The following SNX19 variants were observed in gnomAD, a reference collection of about 807,000 sequenced individuals.
SNX19 encodes the protein sorting nexin 19, also known as sorting nexin-19.
A neutral mutation model predicts 85.2 loss-of-function variants in SNX19; 60 were observed. The observed-to-expected ratio is 0.70, with a 90% CI of 0.57 to 0.87. The LOEUF (loss-of-function observed/expected upper bound fraction) is 0.87, where lower values mean the gene tolerates loss of function less well. Among genes scored for constraint, SNX19 ranks in the 40% least tolerant of loss-of-function variants. The pLI is 0.00. For synonymous variants in SNX19, 520 were observed against 470.0 expected (o/e 1.11, Z -1.38); for missense variants, 1,201 against 1,217.8 (o/e 0.99, Z 0.21).
intron 8 of SNX19, among the ~76,000 whole-genome samples, chr11:130,895,722 C>A (rs1423189454): frequency 6.6e-6 from 1 of 152,178 alleles, no homozygotes; most frequent in African/African-American, 2.4e-5. Flanking sequence ...CACACACACA[C>A]AGAAATGCAA....
chr11:130,901,277 G>A (rs954371427), intron 8 of SNX19, among the ~76,000 whole-genome samples: 1 of 152,040 alleles, frequency 6.6e-6, no homozygotes, highest in Non-Finnish European at 1.5e-5. Flanking sequence ...ACTAGTGTAG[G>A]AAAAGCAGAT....
At chr11:130,897,495 G>C (rs1944955910) in intron 8 of SNX19, among the ~76,000 whole-genome samples, 3 of 152,192 alleles carry the variant, frequency 2.0e-5, no homozygotes, top group Admixed American at 2.0e-4. Flanking sequence ...TTGGGGCCAT[G>C]GGGAGGGCAG....
chr11:130,893,862 T>C, intron 8 of SNX19: 1 of 700,894 alleles, frequency 1.4e-6, no homozygotes, highest in Non-Finnish European at 2.6e-6. Flanking sequence ...TAAAGTATAT[T>C]TCCCACCAAT....
At chr11:130,907,307 G>A (rs1355877865) in intron 5 of SNX19, among the ~76,000 whole-genome samples, 1 of 151,870 alleles carries the variant, frequency 6.6e-6, no homozygotes, top group Non-Finnish European at 1.5e-5. Context: ...GCTGGCCCAT[G>A]AAACATAAGC....
rs988101716 is a variant in SNX19 at position 130,916,171 on chromosome 11, G to A, written c.-232C>T. 2 of 563,666 alleles carry A rather than the reference G, an allele frequency of 3.5e-6. No homozygotes were observed. Among genetic ancestry groups the A allele is most frequent in the Non-Finnish European group, 6.3e-6 (2 of 316,562 alleles). 34.9% of individuals were successfully genotyped at this position (563,666 alleles called of 1,614,324 possible). On this transcript the variant is annotated 5_prime_UTR_variant, in exon 1 of 11. Coordinates refer to ENST00000265909, the MANE Select transcript of SNX19 (RefSeq NM_014758.3). ...CCTCCAACTCGCCCCTTCCAGCTGA[G>A]GTGTGGCTTTGGAGGAAAACTCTGT...
At chr11:130,900,244 A>G (rs1945170875) in intron 8 of SNX19, among the ~76,000 whole-genome samples, 1 of 152,220 alleles carries the variant, frequency 6.6e-6, no homozygotes, top group Admixed American at 6.5e-5. Context: ...AGGAGGTTAC[A>G]GTGAGCTATG....
In SNX19 at chr11:130,916,093, T is replaced by G. The variant is rs1946568370; in HGVS notation, c.-154A>C. The G allele has an allele frequency of 1.5e-6, 1 of 650,068 alleles. No individual in the cohort carries two copies. Among genetic ancestry groups the G allele is most frequent in the African/African-American group, 1.8e-5 (1 of 54,710 alleles). The allele number at this position is 650,068 out of a possible 1,614,324, so 40.3% of individuals were successfully genotyped here. ...CAGGCCCTCAAAGTCCTACAGGCAC[T>G]GCAAAGCGACAGCTGCAGCTCCGCG... On this transcript the variant is annotated 5_prime_UTR_variant, in exon 1 of 11. Transcript: ENST00000265909.
intron 8 of SNX19, among the ~76,000 whole-genome samples, chr11:130,896,838 T>C (rs762224748): frequency 2.0e-5 from 3 of 152,130 alleles, no homozygotes; most frequent in South Asian, 2.1e-4. Context: ...GTGGCAGACC[T>C]GGAGGTTCTC....
chr11:130,907,812 G>A, intron 5 of SNX19, 141 bp downstream of exon 5: 3 of 1,286,568 alleles, frequency 2.3e-6, no homozygotes, highest in Non-Finnish European at 3.2e-6. Context: ...GAGGAGCCTG[G>A]GGTCTAGCTT....
In SNX19 at chr11:130,872,996, C is replaced by T. The variant is rs1197958164; in HGVS notation, c.*5426G>A. On this transcript the variant is annotated 3_prime_UTR_variant, in exon 11 of 11. Coordinates refer to ENST00000265909, the MANE Select transcript of SNX19 (RefSeq NM_014758.3). The stretch of plus-strand genomic sequence containing the variant: ...CAAGGCATCTCCAAATGCTCCCTGC[C>T]CCTCAAACAGCAGAGGAGTGTGATA... 6.6e-6 allele frequency among the ~76,000 whole-genome samples: 1 copy of T among 152,134 alleles called. No homozygotes were observed. Among genetic ancestry groups the T allele is most frequent in the African/African-American group, 2.4e-5 (1 of 41,434 alleles).
rs1184560606 is a variant in SNX19, at chr11:130,914,558, A to G, written c.1382T>C (p.Val461Ala). 2 of 1,613,984 alleles carry G rather than the reference A, an allele frequency of 1.2e-6. No homozygotes were observed. Among genetic ancestry groups the G allele is most frequent in the Non-Finnish European group, 1.7e-6 (2 of 1,179,858 alleles). Reference sequence around the variant, plus strand: ...CAGCAAAGCTGTAACAGAGGCGGTAACATCTCCTTGTTCTATCTCCTTGTC... The same window carrying G: ...CAGCAAAGCTGTAACAGAGGCGGTAGCATCTCCTTGTTCTATCTCCTTGTC... ...TADKEIEQGD[V>A]TASVTALLEG... The change falls in exon 1 of 11, where the codon GTT becomes GCT. Residue 461 changes from valine to alanine, a missense_variant. By Grantham distance (64) the Val-to-Ala change is moderately conservative (BLOSUM62 0). Coordinates refer to ENST00000265909, the MANE Select transcript of SNX19 (RefSeq NM_014758.3).
At position 130,914,652 on chromosome 11, in the gene SNX19, T is replaced by C. The variant is rs745957022; in HGVS notation, c.1288A>G (p.Thr430Ala). The C allele has an allele frequency of 6.2e-7, 1 of 1,613,798 alleles. No individual in the cohort carries two copies. The highest frequency in any genetic ancestry group is 2.2e-5 in the East Asian group (1 of 44,876). ...EGAEAEEGPG[T>A]ETETGLPVST... is the part of the protein sequence containing the mutation. ...ACCGGCAGGCCTGTCTCTGTTTCTG[T>C]CCCTGGACCCTCCTCAGCCTCTGCT... Residue 430 changes from threonine (T) to alanine (A), a missense_variant, in exon 1 of 11, where the codon ACA (threonine) becomes GCA (alanine). Coordinates refer to ENST00000265909, the MANE Select transcript of SNX19 (RefSeq NM_014758.3).
intron 8 of SNX19, among the ~76,000 whole-genome samples, chr11:130,901,493 G>A (rs1436105322): frequency 1.3e-5 from 2 of 152,102 alleles, no homozygotes; most frequent in Non-Finnish European, 2.9e-5. Context: ...GGAAGGAACA[G>A]GGAAATAACA....
At chr11:130,878,904 T>C (rs550477964) in intron 10 of SNX19, among the ~76,000 whole-genome samples, 1 of 152,358 alleles carries the variant, frequency 6.6e-6, no homozygotes, top group East Asian at 1.9e-4. Context: ...TTTCTCATAA[T>C]TAATTACCTT....
In SNX19 at chr11:130,878,472, A is replaced by T; in HGVS notation, c.2929T>A (p.Ser977Thr). The T allele has an allele frequency of 6.8e-6, 11 of 1,613,942 alleles. No homozygotes were observed. The highest frequency in any genetic ancestry group is 8.5e-6 in the Non-Finnish European group (10 of 1,179,902). Residue 977 changes from serine (S) to threonine (T), a missense_variant, in exon 11 of 11, where the codon TCT becomes ACT. Physicochemically the swap from Ser to Thr is moderately conservative, Grantham distance 58. This residue lies in a region of SNX19 where 285 missense variants were observed against 295.3 expected (regional missense o/e 0.97). Coordinates refer to ENST00000265909, the MANE Select transcript of SNX19 (RefSeq NM_014758.3). ...GAGTTGCCTGGGGTATCTGAGGCAG[A>T]GGTGGTAGCAGCAGACTCCTCAACA... ...ASVEESAATT[S>T]ASDTPGNSKR...
At chr11:130,879,838 T>C in intron 9 of SNX19, 127 bp from the exon 10 acceptor site, 1 of 703,960 alleles carries the variant, frequency 1.4e-6, no homozygotes, top group South Asian at 1.8e-5. Context: ...CTCTAAACCA[T>C]ACAGCCAAAC....
At chr11:130,893,076 A>G (rs1320783829) in intron 8 of SNX19, 1 of 152,190 alleles carries the variant, frequency 6.6e-6, no homozygotes, top group Non-Finnish European at 1.5e-5. Flanking sequence ...TGTCTTGACG[A>G]CCAGAGTCCC....
intron 8 of SNX19, among the ~76,000 whole-genome samples, chr11:130,890,060 T>G (rs2135322059): frequency 6.6e-6 from 1 of 152,302 alleles, no homozygotes; most frequent in South Asian, 2.1e-4. Context: ...ATCTATTACT[T>G]TAGTAAGCAA....
chr11:130,890,417 A>T (rs923600593), intron 8 of SNX19, among the ~76,000 whole-genome samples: 81 of 151,902 alleles, frequency 5.3e-4, no homozygotes, highest in Non-Finnish European at 5.9e-5. Flanking sequence ...TATTTAAATG[A>T]TTTTTCTCAA....
Sources: allele counts gnomAD v4.1 joint callset (sites outside exome capture counted in the v4.1 genomes callset), GRCh38; gene constraint gnomAD v4.1.1; regional missense constraint gnomAD v4.1.1; transcripts MANE v1.5; gene names NCBI Gene and HGNC (gene_info 2026-07-23, HGNC 2026-07-21).